Variants in STK3 observed in about 807,000 individuals in gnomAD.
The protein encoded by STK3 is serine/threonine kinase 3.
In STK3, 41 loss-of-function variants were observed where a neutral mutation model predicts 58.0. The ratio of observed to expected loss-of-function variants is 0.71; its 90% CI spans 0.55 to 0.92. STK3 has a LOEUF of 0.92. Among genes scored for constraint, STK3 ranks in the 40% least tolerant of loss-of-function variants. The pLI, the probability that STK3 is intolerant of heterozygous loss-of-function variation, is 0.00. For synonymous variants in STK3, 170 were observed against 191.0 expected (o/e 0.89, Z 0.91); for missense variants, 479 against 602.7 (o/e 0.79, Z 2.15).
At chr8:98,621,826 T>C (rs951354755) in intron 6 of STK3, among the ~76,000 whole-genome samples, 2 of 152,046 alleles carry the variant, frequency 1.3e-5, no homozygotes, top group Admixed American at 6.6e-5. Context: ...AGTCCCAGAA[T>C]CACTGGTAAT....
At chr8:98,542,212 A>AAAAAT (rs57896963) in intron 9 of STK3, among the ~76,000 whole-genome samples, 2 of 151,556 alleles carry the variant, frequency 1.3e-5, no homozygotes, top group Non-Finnish European at 2.9e-5. Flanking sequence ...CTCCATTTCC[A>AAAAAT]AAAATAAAAT....
rs555959537 is a variant in STK3, at chr8:98,555,037, T to C, written c.949-6876A>G. Among the ~76,000 whole-genome samples, 9 of 152,168 alleles carry C rather than the reference T, an allele frequency of 5.9e-5. No homozygotes were observed. In the East Asian group the frequency reaches 1.2e-3, roughly 20 times the overall value. On this transcript the variant is annotated intron_variant, in intron 8 of 10. Transcript: ENST00000419617. ...CAGCCAATTCCAGTAAGGAATACAA[T>C]AGCATTTTCAATCAGTGGCCATCAT... is the stretch of plus-strand genomic sequence containing the variant.
chr8:98,639,314 T>A (rs1298656330), intron 6 of STK3, among the ~76,000 whole-genome samples: 2 of 152,100 alleles, frequency 1.3e-5, no homozygotes, highest in Non-Finnish European at 2.9e-5. Flanking sequence ...GGTTTTGTCA[T>A]GTTGCCCAGG....
chr8:98,378,892 C>G (rs1294436190), intron 2 of STK3, among the ~76,000 whole-genome samples: 1 of 152,162 alleles, frequency 6.6e-6, no homozygotes, highest in Non-Finnish European at 1.5e-5. Flanking sequence ...CCCCATGGGC[C>G]TTTTGCAATC....
At chr8:98,584,816 T>C (rs1218516050) in intron 7 of STK3, among the ~76,000 whole-genome samples, 101 of 149,764 alleles carry the variant, frequency 6.7e-4, no homozygotes, top group African/African-American at 2.0e-3. Flanking sequence ...TGGTATCTCA[T>C]TGTGGTTTTG....
intron 1 of STK3, among the ~76,000 whole-genome samples, chr8:98,924,253 C>A (rs1167755545): frequency 6.6e-6 from 1 of 152,182 alleles, no homozygotes; most frequent in East Asian, 1.9e-4. Flanking sequence ...AGTTTGTGAA[C>A]AAAGCCTGAT....
At chr8:98,913,494 A>G (rs775777034) in intron 1 of STK3, among the ~76,000 whole-genome samples, 2 of 152,264 alleles carry the variant, frequency 1.3e-5, no homozygotes, top group Non-Finnish European at 2.9e-5. Context: ...CTGGAGAGTC[A>G]TAACCAGAAA....
intron 3 of STK3, among the ~76,000 whole-genome samples, chr8:98,402,718 C>T (rs1229391011): frequency 6.6e-6 from 1 of 152,192 alleles, no homozygotes; most frequent in Non-Finnish European, 1.5e-5. Context: ...GGAGGACATG[C>T]CTTGGGAACA....
intron 3 of STK3, among the ~76,000 whole-genome samples, chr8:98,872,464 A>C (rs1259680003): frequency 6.6e-6 from 1 of 152,190 alleles, no homozygotes; most frequent in Non-Finnish European, 1.5e-5. Flanking sequence ...TTGTGACTCC[A>C]TCTGGTCCTG....
At chr8:98,720,937 T>TA (rs888482404) in intron 4 of STK3, 344 of 230,412 alleles carry the variant, frequency 1.5e-3, no homozygotes, top group East Asian at 3.3e-3. Context: ...AAATAGGCAG[T>TA]AAAAAAAAAT....
intron 6 of STK3, among the ~76,000 whole-genome samples, chr8:98,663,875 C>T (rs1038208213): frequency 3.9e-5 from 6 of 152,154 alleles, no homozygotes; most frequent in African/African-American, 1.4e-4. Flanking sequence ...GTCTTTAATA[C>T]TTTCTCCTTT....
intron 6 of STK3, among the ~76,000 whole-genome samples, chr8:98,613,000 G>A (rs1324269206): frequency 6.6e-6 from 1 of 152,180 alleles, no homozygotes; most frequent in African/African-American, 2.4e-5. Context: ...ACTACCCACT[G>A]AGGAGGACTA....
intron 10 of STK3, among the ~76,000 whole-genome samples, chr8:98,472,622 T>C (rs1260825576): frequency 6.6e-6 from 1 of 152,168 alleles, no homozygotes; most frequent in African/African-American, 2.4e-5. Context: ...CTTACAATGA[T>C]AAGTCATTTC....
rs777451821 is a variant in STK3, at chr8:98,428,008, C to T, written n.483+6119G>A. 3 of 1,582,402 alleles carry T rather than the reference C, an allele frequency of 1.9e-6. No individual in the cohort carries two copies. Among genetic ancestry groups the T allele is most frequent in the Non-Finnish European group, 2.6e-6 (3 of 1,163,020 alleles). On this transcript the variant is annotated intron_variant and non_coding_transcript_variant, in intron 3 of 3. Transcript: ENST00000517832. This position sits in a 1 kb window ranked among gnomAD's most constrained non-coding sequence, Gnocchi z 6.7. ...ACCGGCCAGAGCCTGTGGGACGTGT[C>T]GGAGGCTAACGTCGAGGACGGGGAG...
chr8:98,923,678 G>A (rs1002867326), intron 1 of STK3, among the ~76,000 whole-genome samples: 1 of 152,068 alleles, frequency 6.6e-6, no homozygotes, highest in Admixed American at 6.6e-5. Context: ...CTCAACCAGA[G>A]ATATAAATAA....
chr8:98,778,805 T>G (rs968237180), intron 1 of STK3: 2 of 152,098 alleles, frequency 1.3e-5, no homozygotes, highest in Admixed American at 6.6e-5. Context: ...CCGCATGTTC[T>G]CACTCATAGG....
At chr8:98,589,277 G>C (rs370272091) in intron 7 of STK3, among the ~76,000 whole-genome samples, 2 of 152,158 alleles carry the variant, frequency 1.3e-5, no homozygotes, top group East Asian at 3.8e-4. Context: ...TGGGTTTTTG[G>C]TGTGGATGTC....
At chr8:98,432,592 A>G (rs1021439459) in intron 3 of STK3, 12 of 167,140 alleles carry the variant, frequency 7.2e-5, no homozygotes, top group African/African-American at 2.9e-4. Flanking sequence ...TACTTATCTT[A>G]GCACTCAAAT....
At position 98,497,843 on chromosome 8, in the gene STK3, C is replaced by T. The variant is rs972920465; in HGVS notation, c.1317+28899G>A. Reference sequence around the variant, plus strand: ...AATTGGAACCCTCATACACTGCTGACAGGAATGTAAAATGGTGCAGTCACT... The same window carrying T: ...AATTGGAACCCTCATACACTGCTGATAGGAATGTAAAATGGTGCAGTCACT... On this transcript the variant is annotated intron_variant, in intron 10 of 10. Transcript: ENST00000419617. Among the ~76,000 whole-genome samples the T allele has an allele frequency of 2.6e-5, 4 of 152,132 alleles. No individual in the cohort carries two copies. The East Asian group carries it at 5.8e-4, about 22-fold the overall frequency.
Sources: gnomAD v4.1 joint callset for allele counts (sites outside exome capture counted in the v4.1 genomes callset) on GRCh38, gnomAD v4.1.1 for gene constraint, Gnocchi (gnomAD v3.1) non-coding constraint, MANE v1.5 for transcripts, NCBI Gene and HGNC (gene_info 2026-07-23, HGNC 2026-07-21) for gene names.